The following COL16A1 variants were observed in gnomAD, a reference collection of about 807,000 sequenced individuals.
COL16A1 encodes the protein collagen type XVI alpha 1 chain, also known as collagen alpha-1(XVI) chain.
In COL16A1, 189 loss-of-function variants were observed where a neutral mutation model predicts 266.3. The ratio of observed to expected loss-of-function variants is 0.71; its 90% confidence interval spans 0.63 to 0.80. The LOEUF (loss-of-function observed/expected upper bound fraction) is 0.80. COL16A1 is among the 30% of genes least tolerant of loss of function. The pLI is 0.00. For missense variants in COL16A1, 1,928 were observed against 2,122.4 expected, an observed-to-expected ratio of 0.91 and a Z score of 1.80; for synonymous variants, 740 against 782.3, an observed-to-expected ratio of 0.95 and a Z score of 0.90.
rs770988484 is a variant in COL16A1 at position 31,662,650 on chromosome 1, T to C, written c.3564A>G (p.Glu1188=). Residue 1188 remains glutamate (E), a synonymous_variant, in exon 57 of 71, where the codon GAA becomes GAG. Coordinates refer to ENST00000373672, the MANE Select transcript of COL16A1 (RefSeq NM_001856.4). ...GCAGGCCTGATGGGCCTCGAATCCC[T>C]TCGCTGCCCTGGAAACCAGCGCCGC... is the stretch of plus-strand genomic sequence containing the variant. The part of the protein sequence containing the change: ...PPGPQAEKGS[E]GIRGPSGLPG... 8 of 1,546,832 alleles carry C rather than the reference T, an allele frequency of 5.2e-6. No individual in the cohort carries two copies. The South Asian group carries it at 9.5e-5, about 18-fold the overall frequency.
chr1:31,695,761 C>G lies in COL16A1; in HGVS notation c.945G>C (p.Glu315Asp), dbSNP rs1255227575. 3 of 1,613,586 alleles carry G rather than the reference C, an allele frequency of 1.9e-6. No individual in the cohort carries two copies. The Admixed American group carries it at 5.0e-5, about 27-fold the overall frequency. ...GCTGCCAGTCCACTGGGAGGCTTAC[C>G]TCATCGGCTGCTGTCTCCTGATGGA... ...AKVHQETAAD[E>D]CPPCVHGARD... is the part of the protein sequence containing the mutation. Residue 315 changes from glutamate to aspartate, a missense_variant and splice_region_variant, in exon 10 of 71, where the codon GAG becomes GAC. By Grantham distance (45) the Glu-to-Asp change is conservative (BLOSUM62 2). Around this residue, in one of 2 missense-constraint regions of COL16A1, gnomAD observed 1,552 missense variants for 1,637.2 expected, o/e 0.95. Transcript: ENST00000373672.
intron 23 of COL16A1, chr1:31,689,483 G>T: frequency 1.8e-6 from 1 of 569,376 alleles, no homozygotes. Flanking sequence ...CTCCAGCCCA[G>T]CTTGCCCAAA....
At position 31,668,896 on chromosome 1, in the gene COL16A1, T is replaced by TGCCCCCCCCCCCCCCCACA; in HGVS notation, c.3196-42_3196-41insTGTGGGGGGGGGGGGGGGC. The TGCCCCCCCCCCCCCCCACA allele has an allele frequency of 6.4e-7, 1 of 1,569,824 alleles. No homozygotes were observed. The highest frequency in any genetic ancestry group is 8.7e-7 in the Non-Finnish European group (1 of 1,150,174). On this transcript the variant is annotated intron_variant, in intron 49 of 70. Transcript: ENST00000373672. This position sits in a 1 kb window ranked among gnomAD's most constrained non-coding sequence, Gnocchi z 5.8. ...CATGAGAAACTGCAGGAGCCGGCGG[T>TGCCCCCCCCCCCCCCCACA]CCCCACCCAGCCCCTGACTCCTTCC...
chr1:31,691,687 T>C (rs1441997541), intron 17 of COL16A1, 45 bp from the exon 18 acceptor site: 1 of 1,592,144 alleles, frequency 6.3e-7, no homozygotes, highest in African/African-American at 1.3e-5. Flanking sequence ...CCCTGAGGCC[T>C]GGCACCGCCC....
intron 66 of COL16A1, 44 bp from the exon 67 acceptor site, chr1:31,655,546 GTCTCACCAA>G: frequency 6.2e-7 from 1 of 1,607,346 alleles, no homozygotes; most frequent in South Asian, 1.1e-5. Flanking sequence ...ACATCATGAT[GTCTCACCAA>G]TCTGCTCTTT....
At chr1:31,662,556 C>G in intron 57 of COL16A1, 31 bp downstream of exon 57, 2 of 1,557,358 alleles carry the variant, frequency 1.3e-6, no homozygotes, top group Non-Finnish European at 1.7e-6. Context: ...GCATCGCACA[C>G]GTCTGCCACG....
At position 31,683,710 on chromosome 1, in the gene COL16A1, G is replaced by C; in HGVS notation, c.2376C>G (p.Pro792=). 6.2e-7 allele frequency: 1 copy of C among 1,614,108 alleles called. No individual in the cohort carries two copies. The highest frequency in any genetic ancestry group is 8.5e-7 in the Non-Finnish European group (1 of 1,179,990). ...AAAGGCAGGGCTAGAGACTCACCTG[G>C]GGTCCCTGGACTCCCCTTCCTGGAG... ...PGPPGRGVQG[P]QGEPGAPGLP... The change falls in exon 34 of 71, where the codon CCC becomes CCG. Residue 792 remains proline (P), a synonymous_variant. Transcript: ENST00000373672.
intron 42 of COL16A1, among the ~76,000 whole-genome samples, chr1:31,678,600 C>T (rs907888064): frequency 3.3e-5 from 5 of 152,120 alleles, no homozygotes; most frequent in Non-Finnish European, 7.3e-5. Flanking sequence ...AAAGAATGGA[C>T]GTAAAATAAT....
intron 20 of COL16A1, 63 bp downstream of exon 20, chr1:31,691,125 C>A (rs1644243127): frequency 1.3e-6 from 2 of 1,577,276 alleles, no homozygotes; most frequent in Admixed American, 1.9e-5. Flanking sequence ...TGCCCCGGCC[C>A]CTTCTCTCTC....
rs140703729 is a variant in COL16A1, at chr1:31,689,556, T to C, written c.1620+185A>G. On this transcript the variant is annotated intron_variant, in intron 23 of 70. Transcript: ENST00000373672. ...GCCATGGAGACCGGAGGTGGCACTC[T>C]AGCCCAGCCCTGAGTTCTATGGTTC... The C allele has an allele frequency of 1.7e-3, 1,016 of 615,560 alleles. 25 individuals carry two copies. The East Asian group carries it at 0.024, about 14-fold the overall frequency. 38.1% of individuals were successfully genotyped at this position (615,560 alleles called of 1,614,324 possible).
chr1:31,665,433 C>T, intron 55 of COL16A1, 150 bp downstream of exon 55: 1 of 1,483,732 alleles, frequency 6.7e-7, no homozygotes, highest in South Asian at 1.2e-5. Context: ...GGTCCTGGTT[C>T]CTGGAATCAG....
At chr1:31,683,134 C>A in intron 36 of COL16A1, 60 bp downstream of exon 36, 1 of 1,612,160 alleles carries the variant, frequency 6.2e-7, no homozygotes, top group Non-Finnish European at 8.5e-7. Flanking sequence ...GTCCCCTGTG[C>A]CTGCTTCTGG....
intron 26 of COL16A1, among the ~76,000 whole-genome samples, chr1:31,686,756 C>A (rs1037615034): frequency 3.3e-5 from 5 of 152,142 alleles, no homozygotes; most frequent in African/African-American, 9.7e-5. Context: ...AGGTGTTAAC[C>A]CTGATTATTA....
intron 52 of COL16A1, among the ~76,000 whole-genome samples, chr1:31,667,216 G>A: frequency 6.6e-6 from 1 of 152,240 alleles, no homozygotes; most frequent in East Asian, 1.9e-4. Context: ...GGGCCCCAGT[G>A]TCCTCATCTG....
chr1:31,653,766 CACACACACAT>C (rs2148639356), intron 69 of COL16A1, 90 bp from the exon 70 acceptor site: 2 of 1,574,064 alleles, frequency 1.3e-6, no homozygotes, highest in African/African-American at 1.3e-5. Context: ...CACACACACA[CACACACACAT>C]ACATCCCATA....
intron 60 of COL16A1, 22 bp downstream of exon 60, chr1:31,661,392 G>A: frequency 1.2e-6 from 2 of 1,613,962 alleles, no homozygotes. Context: ...TAACCTGCTT[G>A]GCAGAGGTCA....
At position 31,695,800 on chromosome 1, in the gene COL16A1, TG is replaced by T. The variant is rs761930023; in HGVS notation, c.919-14del. On this transcript the variant is annotated splice_polypyrimidine_tract_variant and intron_variant, in intron 9 of 70. Transcript: ENST00000373672. ...TCTCCTGATGGACCTGAGGAAAGGG[TG>T]GGGGGTGTGGGAATGGGCAGGGAGC... The T allele has an allele frequency of 5.7e-5, 91 of 1,588,236 alleles. No individual in the cohort carries two copies. Among genetic ancestry groups the T allele is most frequent in the Non-Finnish European group, 7.0e-5 (81 of 1,157,332 alleles).
chr1:31,670,613 G>A lies in COL16A1; in HGVS notation c.3184C>T (p.Pro1062Ser), dbSNP rs937786166. ...PPGFPGAVGS[P>S]GLPGLQGERG... Reference sequence around the variant, plus strand: ...CGCTAGGTTCTTACAGGCAATCCGGGGGAGCCAACAGCACCAGGAAAACCT... The same window carrying A: ...CGCTAGGTTCTTACAGGCAATCCGGAGGAGCCAACAGCACCAGGAAAACCT... Residue 1062 changes from proline (P) to serine (S), a missense_variant, in exon 49 of 71, where the codon CCC becomes TCC. Around this residue, in one of 2 missense-constraint regions of COL16A1, gnomAD observed 1,552 missense variants for 1,637.2 expected, o/e 0.95. Transcript: ENST00000373672. The surrounding 1 kb of genome is among the most constrained non-coding windows in gnomAD (Gnocchi z 4.5). 2.1e-6 allele frequency: 3 copies of A among 1,415,624 alleles called. No homozygotes were observed. Among genetic ancestry groups the A allele is most frequent in the Non-Finnish European group, 1.8e-6 (2 of 1,087,456 alleles). The allele number at this position is 1,415,624 out of a possible 1,614,324, so 87.7% of individuals were successfully genotyped here.
chr1:31,699,385 T>TA (rs1302697212), intron 4 of COL16A1, among the ~76,000 whole-genome samples: 17 of 152,110 alleles, frequency 1.1e-4, no homozygotes, highest in African/African-American at 3.6e-4. Context: ...CAGCAAGAGA[T>TA]AAAAAAGAGC....
Sources: gnomAD v4.1 joint callset for allele counts (sites outside exome capture counted in the v4.1 genomes callset) on GRCh38, gnomAD v4.1.1 for gene constraint, gnomAD v4.1.1 regional missense constraint, Gnocchi (gnomAD v3.1) non-coding constraint, MANE v1.5 for transcripts, NCBI Gene and HGNC (gene_info 2026-07-23, HGNC 2026-07-21) for gene names.